Variants in TEX11 observed in about 807,000 individuals in gnomAD.
TEX11 encodes the protein testis expressed 11.
A neutral mutation model predicts 84.4 loss-of-function variants in TEX11; 7 were observed. The observed-to-expected ratio is 0.08, with a 90% confidence interval of 0.05 to 0.16. The LOEUF (loss-of-function observed/expected upper bound fraction) is 0.16. Among genes scored for constraint, TEX11 ranks in the 10% least tolerant of loss-of-function variants. The probability of loss-of-function intolerance (pLI) is 1.00; values close to 1 mark genes in which losing one functional copy is unlikely to be tolerated. For missense variants in TEX11, 551 were observed against 660.5 expected, an observed-to-expected ratio of 0.83 and a Z score of 1.82; for synonymous variants, 264 against 222.8, an observed-to-expected ratio of 1.18 and a Z score of -1.64.
chrX:70,725,758 C>T (rs1196572891), intron 11 of TEX11, among the ~76,000 whole-genome samples: 3 of 111,972 alleles, frequency 2.7e-5, no homozygotes, highest in Non-Finnish European at 5.6e-5. Flanking sequence ...ATATGCCTGT[C>T]GTGTTTACCA....
At chrX:70,882,413 G>C (rs988606115) in intron 2 of TEX11, among the ~76,000 whole-genome samples, 8 of 110,492 alleles carry the variant, frequency 7.2e-5, no homozygotes, top group Non-Finnish European at 1.3e-4. Context: ...CGCCTCCCAG[G>C]TTCAAGCAAT....
chrX:70,547,192 A>G (rs774254058), intron 28 of TEX11, among the ~76,000 whole-genome samples: 4 of 110,814 alleles, frequency 3.6e-5, no homozygotes, highest in African/African-American at 9.8e-5. Flanking sequence ...CTACAGAGAC[A>G]GAAAGCGGAT....
At chrX:70,739,415 T>A (rs2090719284) in intron 11 of TEX11, among the ~76,000 whole-genome samples, 1 of 16,894 alleles carries the variant, frequency 5.9e-5, no homozygotes, top group Non-Finnish European at 1.7e-4. Flanking sequence ...TTTCATTTCT[T>A]TTTTTTTTTT....
intron 17 of TEX11, among the ~76,000 whole-genome samples, chrX:70,634,411 T>G (rs951432446): frequency 3.6e-5 from 4 of 111,806 alleles, no homozygotes; most frequent in Admixed American, 9.5e-5. Context: ...CCAAAACAAT[T>G]AGAAAGAGAA....
intron 2 of TEX11, among the ~76,000 whole-genome samples, chrX:70,904,664 A>C (rs774364265): frequency 8.9e-6 from 1 of 112,073 alleles, no homozygotes; most frequent in African/African-American, 3.2e-5. Context: ...TGTAAACTCT[A>C]GAACTGCACT....
chrX:70,742,275 T>C (rs932201642), intron 10 of TEX11, among the ~76,000 whole-genome samples: 13 of 109,868 alleles, frequency 1.2e-4, no homozygotes, highest in African/African-American at 3.9e-4. Context: ...GGTGAGAACA[T>C]CCATATCGTT....
In TEX11 at chrX:70,795,390, C is replaced by G. The variant is rs144669628; in HGVS notation, c.692+11315G>C. The stretch of plus-strand genomic sequence containing the variant: ...TCCTGGCCAGCATCTTTGCACCCAC[C>G]AGGAGCCAGGGGGAACTTGCTGCCC... On this transcript the variant is annotated intron_variant, in intron 9 of 29. Transcript: ENST00000374333. 9.1e-3 allele frequency among the ~76,000 whole-genome samples: 1,019 copies of G among 111,443 alleles called. 7 individuals are homozygous for G. Among genetic ancestry groups the G allele is most frequent in the African/African-American group, 0.031 (965 of 30,726 alleles).
intron 2 of TEX11, among the ~76,000 whole-genome samples, chrX:70,891,226 G>A (rs1165846993): frequency 9.0e-6 from 1 of 111,482 alleles, no homozygotes; most frequent in Admixed American, 9.5e-5. Context: ...CCATTTGTAG[G>A]TCACCAACAT....
intron 16 of TEX11, among the ~76,000 whole-genome samples, chrX:70,668,720 T>G (rs1002241474): frequency 3.6e-5 from 4 of 112,323 alleles, no homozygotes; most frequent in Non-Finnish European, 7.5e-5. Flanking sequence ...AGGACCAAAC[T>G]TGACATTAGA....
At chrX:70,820,818 A>T (rs190348836) in intron 8 of TEX11, among the ~76,000 whole-genome samples, 35 of 111,734 alleles carry the variant, frequency 3.1e-4, no homozygotes, top group African/African-American at 1.1e-3. Flanking sequence ...CACCTCCAAC[A>T]TTGGAGATTA....
At chrX:70,631,582 T>C (rs1603167692) in intron 17 of TEX11, among the ~76,000 whole-genome samples, 1 of 97,526 alleles carries the variant, frequency 1.0e-5, no homozygotes, top group African/African-American at 3.8e-5. Flanking sequence ...TGGTAATTTA[T>C]TGGCAGCCTT....
chrX:70,780,463 T>C (rs769060446), intron 9 of TEX11, among the ~76,000 whole-genome samples: 1 of 112,299 alleles, frequency 8.9e-6, no homozygotes, highest in Admixed American at 9.4e-5. Context: ...GGTTGGACAG[T>C]GGGTGTAGCC....
rs5937003 is a variant in TEX11, at chrX:70,834,206, T to A, written c.526-613A>T. On this transcript the variant is annotated intron_variant, in intron 7 of 29. Transcript: ENST00000374333. ...CCCCATCTCTTAAAAAAAAAAAAAA[T>A]TTTAAGAAAAAAGAAAAGCAGCTTC... 9.9e-3 allele frequency among the ~76,000 whole-genome samples: 1,006 copies of A among 101,938 alleles called. 6 individuals are homozygous for A. Among genetic ancestry groups the A allele is most frequent in the African/African-American group, 0.032 (952 of 29,318 alleles). The allele number at this position is 101,938 out of a possible 115,157, so 88.5% of individuals were successfully genotyped here. A position where few individuals can be genotyped will look rare whatever the true frequency, so the allele number is the denominator to read the frequency against.
chrX:70,524,663 T>C (rs1481997448), downstream of TEX11, among the ~76,000 whole-genome samples: 14 of 112,619 alleles, frequency 1.2e-4, no homozygotes, highest in African/African-American at 4.5e-4. Context: ...CCTCCCAGGT[T>C]CAAGCGATTC....
chrX:70,629,538 A>G, intron 18 of TEX11, 73 bp downstream of exon 18: 1 of 1,109,676 alleles, frequency 9.0e-7, no homozygotes, highest in Non-Finnish European at 1.2e-6. Flanking sequence ...TGTCTAACTG[A>G]TAATGATTCT....
At chrX:70,578,067 G>A (rs919145585) in intron 25 of TEX11, among the ~76,000 whole-genome samples, 3 of 111,820 alleles carry the variant, frequency 2.7e-5, no homozygotes, top group African/African-American at 9.8e-5. Context: ...ATGCCCAATG[G>A]ATACACTTGA....
intron 24 of TEX11, among the ~76,000 whole-genome samples, chrX:70,597,833 A>C (rs983357738): frequency 7.1e-5 from 8 of 112,424 alleles, no homozygotes; most frequent in African/African-American, 2.6e-4. Flanking sequence ...AAATAATTGC[A>C]AATCATGTAT....
chrX:70,794,901 C>T (rs1320779721), intron 9 of TEX11, among the ~76,000 whole-genome samples: 1 of 107,763 alleles, frequency 9.3e-6, no homozygotes, highest in Admixed American at 1.0e-4. Context: ...CAACACATTC[C>T]CAGCTATGGT....
chrX:70,882,748 T>C (rs1188999468), intron 2 of TEX11, among the ~76,000 whole-genome samples: 1 of 108,930 alleles, frequency 9.2e-6, no homozygotes, highest in African/African-American at 3.3e-5. Context: ...GCCACGGCAC[T>C]CCAGCTGGGT....
Sources: gnomAD v4.1 joint callset for allele counts (sites outside exome capture counted in the v4.1 genomes callset) on GRCh38, gnomAD v4.1.1 for gene constraint, MANE v1.5 for transcripts, NCBI Gene and HGNC (gene_info 2026-07-23, HGNC 2026-07-21) for gene names.